Variants in KAZN observed in about 807,000 individuals in gnomAD.
The protein encoded by KAZN is kazrin.
In KAZN, 40 loss-of-function variants were observed where a neutral mutation model predicts 87.4. That is an observed-to-expected ratio of 0.46 (90% CI 0.36 to 0.60). The LOEUF is 0.60. Among genes scored for constraint, KAZN ranks in the 20% least tolerant of loss-of-function variants. KAZN has a pLI of 0.00. For synonymous variants in KAZN, 466 were observed against 458.3 expected, an observed-to-expected ratio of 1.02 and a Z score of -0.22; for missense variants, 898 against 1,073.9, an observed-to-expected ratio of 0.84 and a Z score of 2.29.
In KAZN at chr1:14,266,167, A is replaced by G. The variant is rs1424686527; in HGVS notation, c.249+85575A>G. Among the ~76,000 whole-genome samples the G allele has an allele frequency of 3.9e-5, 6 of 152,212 alleles. No individual in the cohort carries two copies. In the South Asian group the frequency reaches 8.3e-4, roughly 21 times the overall value. ...GGATATAATAAATTGTTATAACTCT[A>G]TGTGTCTTTACCTGTGTCTGGATGG... is the stretch of plus-strand genomic sequence containing the variant. On this transcript the variant is annotated intron_variant, in intron 2 of 16. Coordinates refer to the KAZN transcript ENST00000636203.
rs200179440 is a variant in KAZN, at chr1:15,026,032, CAAAT to C, written c.419-8713_419-8710del. Among the ~76,000 whole-genome samples, 1,222 of 151,926 alleles carry C rather than the reference CAAAT, an allele frequency of 8.0e-3. 12 individuals carry two copies. Among genetic ancestry groups the C allele is most frequent in the African/African-American group, 0.027 (1,129 of 41,316 alleles). On this transcript the variant is annotated intron_variant, in intron 2 of 14. Transcript: ENST00000376030. ...CTCATCTTTGAAACGGAAAAAAAAA[CAAAT>C]AAACTGCTGTCCGCCCATCCCAGGA...
intron 1 of KAZN, among the ~76,000 whole-genome samples, chr1:14,678,286 C>T (rs527476794): frequency 2.0e-5 from 3 of 152,200 alleles, no homozygotes; most frequent in East Asian, 1.9e-4. Flanking sequence ...CTGAGTCTTC[C>T]GGCCTTCATC....
chr1:14,872,842 G>T (rs1652293420), intron 1 of KAZN, among the ~76,000 whole-genome samples: 1 of 151,804 alleles, frequency 6.6e-6, no homozygotes. Context: ...ATGGATGGAT[G>T]TACAGACGGA....
At chr1:14,733,945 A>G (rs1230425982) in intron 1 of KAZN, among the ~76,000 whole-genome samples, 1 of 152,144 alleles carries the variant, frequency 6.6e-6, no homozygotes, top group Non-Finnish European at 1.5e-5. Flanking sequence ...CCGGCACACC[A>G]TAGGGCTGCG....
At chr1:15,062,426 T>G (rs1429346873) in intron 6 of KAZN, 2 of 152,526 alleles carry the variant, frequency 1.3e-5, no homozygotes, top group African/African-American at 4.8e-5. Context: ...TCAACCCTTT[T>G]TATCCCCCCA....
chr1:14,993,018 G>A (rs982815873), intron 2 of KAZN, among the ~76,000 whole-genome samples: 2 of 151,062 alleles, frequency 1.3e-5, no homozygotes, highest in Non-Finnish European at 3.0e-5. Context: ...ATAGAGACAG[G>A]ATTTCACCAT....
At chr1:14,509,217 G>A (rs75622535) in intron 2 of KAZN, among the ~76,000 whole-genome samples, 2,899 of 152,292 alleles carry the variant, frequency 0.019, 95 homozygotes, top group African/African-American at 0.065. Context: ...GACCTATAAT[G>A]GTGGCTTACA....
chr1:14,766,262 C>T (rs1432412897), intron 1 of KAZN, among the ~76,000 whole-genome samples: 2 of 152,088 alleles, frequency 1.3e-5, no homozygotes, highest in Non-Finnish European at 2.9e-5. Context: ...TCCCTAGTCA[C>T]AGCTCCTGGG....
intron 1 of KAZN, among the ~76,000 whole-genome samples, chr1:14,855,167 C>T (rs559674917): frequency 6.6e-6 from 1 of 152,282 alleles, no homozygotes; most frequent in Non-Finnish European, 1.5e-5. Context: ...AGCCCGTTTC[C>T]AACCTGCTAA....
At chr1:14,842,223 A>G (rs569304869) in intron 1 of KAZN, among the ~76,000 whole-genome samples, 2 of 152,198 alleles carry the variant, frequency 1.3e-5, no homozygotes, top group Non-Finnish European at 2.9e-5. Flanking sequence ...AGCACTTTAA[A>G]CCATGCCTGG....
At chr1:14,988,189 A>T (rs1184084477) in intron 2 of KAZN, among the ~76,000 whole-genome samples, 1 of 152,228 alleles carries the variant, frequency 6.6e-6, no homozygotes, top group Non-Finnish European at 1.5e-5. Context: ...AGGAAGAAGG[A>T]GCTGCAGGCA....
chr1:14,830,566 T>C (rs545865976), intron 1 of KAZN, among the ~76,000 whole-genome samples: 2 of 152,218 alleles, frequency 1.3e-5, no homozygotes, highest in African/African-American at 4.8e-5. Context: ...CTGCAGGCTG[T>C]ACAAGAGGCA....
intron 2 of KAZN, among the ~76,000 whole-genome samples, chr1:14,457,393 T>C (rs1445531083): frequency 6.6e-6 from 1 of 152,236 alleles, no homozygotes; most frequent in Non-Finnish European, 1.5e-5. Flanking sequence ...TTAGTAGAAG[T>C]TATTTGTACA....
chr1:13,986,268 T>G (rs1484064427), intron 1 of KAZN, among the ~76,000 whole-genome samples: 1 of 152,234 alleles, frequency 6.6e-6, no homozygotes, highest in African/African-American at 2.4e-5. Flanking sequence ...TTTTACAAAT[T>G]TGCATTAGGA....
intron 1 of KAZN, among the ~76,000 whole-genome samples, chr1:14,644,621 A>G (rs1572122608): frequency 6.6e-6 from 1 of 152,158 alleles, no homozygotes; most frequent in Non-Finnish European, 1.5e-5. Context: ...TTGGCCTCCC[A>G]AAGTGCTGGG....
chr1:14,639,584 G>T (rs1680268433), intron 1 of KAZN, among the ~76,000 whole-genome samples: 1 of 152,094 alleles, frequency 6.6e-6, no homozygotes, highest in Admixed American at 6.5e-5. Context: ...CACGGGAGAG[G>T]CCGAGTGGCT....
Position 14,729,476 on chromosome 1 carries a change from G to A in KAZN, c.226+130253G>A, listed in dbSNP as rs566713778. On this transcript the variant is annotated intron_variant, in intron 1 of 14. Coordinates refer to ENST00000376030, the MANE Select transcript of KAZN (RefSeq NM_201628.3). ...ACCCTAATGGGTTTTGTGAGATGTCGTATTAAGTCTGTGGTCCATAGAGTA... is the reference window on the plus strand; with the variant it reads ...ACCCTAATGGGTTTTGTGAGATGTCATATTAAGTCTGTGGTCCATAGAGTA... Among the ~76,000 whole-genome samples the A allele has an allele frequency of 2.5e-4, 38 of 152,276 alleles. 1 individual carries two copies. The East Asian group carries it at 4.4e-3, about 18-fold the overall frequency.
intron 2 of KAZN, among the ~76,000 whole-genome samples, chr1:14,480,208 G>A (rs1571753940): frequency 6.6e-6 from 1 of 152,240 alleles, no homozygotes; most frequent in African/African-American, 2.4e-5. Context: ...CATGGAGCAA[G>A]GGTAGCAAAC....
intron 4 of KAZN, 111 bp downstream of exon 4, chr1:15,044,270 G>GGGGGGGGGGCCC: frequency 2.4e-6 from 1 of 413,320 alleles, no homozygotes; most frequent in Non-Finnish European, 4.2e-6. Flanking sequence ...GGTGGGTGGG[G>GGGGGGGGGGCCC]CAGAGCAGAA....
Sources: allele counts gnomAD v4.1 joint callset (sites outside exome capture counted in the v4.1 genomes callset), GRCh38; gene constraint gnomAD v4.1.1; transcripts MANE v1.5; gene names NCBI Gene and HGNC (gene_info 2026-07-23, HGNC 2026-07-21).